The following ATG4C variants were observed in gnomAD, a reference collection of about 807,000 sequenced individuals.
ATG4C encodes cysteine protease ATG4C.
A neutral mutation model predicts 57.6 loss-of-function variants in ATG4C; 56 were observed. The observed-to-expected ratio is 0.97, with a 90% CI of 0.78 to 1.21. The LOEUF (loss-of-function observed/expected upper bound fraction) is 1.21, where lower values mean the gene tolerates loss of function less well. ATG4C is among the 50% of genes most tolerant of loss of function. The probability of loss-of-function intolerance (pLI) is 0.00; values close to 1 mark genes in which losing one functional copy is unlikely to be tolerated. For synonymous variants in ATG4C, 157 were observed against 174.1 expected (o/e 0.90, Z 0.78); for missense variants, 595 against 529.8 (o/e 1.12, Z -1.21).
intron 9 of ATG4C, among the ~76,000 whole-genome samples, chr1:62,839,840 A>G (rs569067656): frequency 1.3e-5 from 2 of 152,274 alleles, no homozygotes; most frequent in South Asian, 4.1e-4. Context: ...TTGAAAACTC[A>G]TATTTTGCCC....
At position 62,841,434 on chromosome 1, in the gene ATG4C, C is replaced by T. The variant is rs1666162223; in HGVS notation, c.1096C>T (p.His366Tyr). 1.2e-6 allele frequency: 2 copies of T among 1,604,006 alleles called. No homozygotes were observed. The highest frequency in any genetic ancestry group is 1.7e-5 in the Admixed American group (1 of 59,156). The change falls in exon 10 of 11, where the codon CAC (histidine) becomes TAC (tyrosine). Residue 366 changes from histidine (H) to tyrosine (Y), a missense_variant. Transcript: ENST00000317868. ...SIKDFPLETF[H>Y]CPSPKKMSFR... ...AGAACTTTAAAAATTACAGACATTC[C>T]ACTGCCCTTCTCCCAAAAAGATGTC...
intron 10 of ATG4C, among the ~76,000 whole-genome samples, chr1:62,850,881 TATATATATATATATATATATAC>T (rs1427366351): frequency 1.3e-5 from 1 of 77,438 alleles, no homozygotes; most frequent in Non-Finnish European, 2.6e-5. Flanking sequence ...TATATATATA[TATATATATATATATATATATAC>T]ATACACATAC....
At position 62,864,424 on chromosome 1, in the gene ATG4C, G is replaced by A. The variant is rs1371502419; in HGVS notation, c.*265G>A. 7 of 290,306 alleles carry A rather than the reference G, an allele frequency of 2.4e-5. No individual in the cohort carries two copies. The highest frequency in any genetic ancestry group is 3.6e-5 in the South Asian group (1 of 27,440). 18.0% of individuals were successfully genotyped at this position (290,306 alleles called of 1,614,324 possible). ...TACTAGTGATAATTCTACCTTAACT[G>A]TAAGCCTTTTAGTCTTCAAAGTCTT... On this transcript the variant is annotated 3_prime_UTR_variant, in exon 11 of 11. Coordinates refer to ENST00000317868, the MANE Select transcript of ATG4C (RefSeq NM_032852.4).
chr1:62,860,828 A>G (rs1446400287), intron 10 of ATG4C, among the ~76,000 whole-genome samples: 3 of 152,184 alleles, frequency 2.0e-5, no homozygotes, highest in Non-Finnish European at 2.9e-5. Flanking sequence ...ATAATTTTAC[A>G]TATATGGTGG....
intron 1 of ATG4C, among the ~76,000 whole-genome samples, chr1:62,788,217 C>T (rs949151666): frequency 2.6e-5 from 4 of 152,100 alleles, no homozygotes; most frequent in African/African-American, 4.8e-5. Flanking sequence ...AGTAGTTAGG[C>T]TTTATGAAGT....
chr1:62,816,015 C>T (rs894979718), intron 3 of ATG4C, among the ~76,000 whole-genome samples: 8 of 151,990 alleles, frequency 5.3e-5, no homozygotes, highest in Non-Finnish European at 1.2e-4. Context: ...TCCCAAAGTG[C>T]TGGGGATTAT....
intron 3 of ATG4C, among the ~76,000 whole-genome samples, chr1:62,813,909 A>T (rs1665175467): frequency 6.6e-6 from 1 of 152,250 alleles, no homozygotes; most frequent in Non-Finnish European, 1.5e-5. Context: ...ATCTCACGCC[A>T]GTTAGAATGG....
At chr1:62,844,254 C>G (rs1666262779) in intron 10 of ATG4C, among the ~76,000 whole-genome samples, 1 of 152,162 alleles carries the variant, frequency 6.6e-6, no homozygotes, top group South Asian at 2.1e-4. Flanking sequence ...GAACCACTTG[C>G]ATAAGACAGG....
chr1:62,818,421 C>A (rs936623640), intron 4 of ATG4C, among the ~76,000 whole-genome samples: 1 of 152,036 alleles, frequency 6.6e-6, no homozygotes, highest in African/African-American at 2.4e-5. Flanking sequence ...GATAAGCAGT[C>A]TGATAATGAA....
intron 10 of ATG4C, among the ~76,000 whole-genome samples, chr1:62,861,977 CT>C (rs1572184222): frequency 6.6e-6 from 1 of 152,282 alleles, no homozygotes; most frequent in East Asian, 1.9e-4. Flanking sequence ...ACATTTTAAA[CT>C]TTTCAGAATC....
chr1:62,821,732 C>A (rs889504009), intron 6 of ATG4C, among the ~76,000 whole-genome samples: 1 of 151,830 alleles, frequency 6.6e-6, no homozygotes. Context: ...CAAGTGTTTC[C>A]GATTTTGTAT....
At chr1:62,801,076 GATATTA>G (rs1572101417) in intron 1 of ATG4C, among the ~76,000 whole-genome samples, 1 of 152,170 alleles carries the variant, frequency 6.6e-6, no homozygotes, top group African/African-American at 2.4e-5. Context: ...AGGAAGCTTT[GATATTA>G]ATATTAAATG....
In ATG4C at chr1:62,813,061, G is replaced by C. The variant is rs189876603; in HGVS notation, c.161-3514G>C. ...GCCATACTGCCCAAAGTAATTTATA[G>C]ATTCAATGCTATCCCCATCAAGCTA... On this transcript the variant is annotated intron_variant, in intron 3 of 10. Transcript: ENST00000317868. 1.6e-4 allele frequency among the ~76,000 whole-genome samples: 24 copies of C among 152,260 alleles called. No individual in the cohort carries two copies. The East Asian group carries it at 4.2e-3, about 27-fold the overall frequency.
At position 62,796,876 on chromosome 1, in the gene ATG4C, C is replaced by T. The variant is rs191507494; in HGVS notation, c.-68-6843C>T. Among the ~76,000 whole-genome samples the T allele has an allele frequency of 1.2e-3, 187 of 152,140 alleles. 1 individual carries two copies. The highest frequency in any genetic ancestry group is 4.0e-3 in the African/African-American group (167 of 41,514). Reference sequence around the variant, plus strand: ...TAATCCCAGCATTTTGGGAGGCCAACGTGGGCGAATCACCTGAGGTCAGGA... The same window carrying T: ...TAATCCCAGCATTTTGGGAGGCCAATGTGGGCGAATCACCTGAGGTCAGGA... On this transcript the variant is annotated intron_variant, in intron 1 of 10. Coordinates refer to ENST00000317868, the MANE Select transcript of ATG4C (RefSeq NM_032852.4).
At chr1:62,838,735 G>T (rs1372269155) in intron 9 of ATG4C, among the ~76,000 whole-genome samples, 1 of 150,170 alleles carries the variant, frequency 6.7e-6, no homozygotes, top group Non-Finnish European at 1.5e-5. Context: ...AGCAGAGATC[G>T]CACCACTGCA....
chr1:62,803,811 G>A lies in ATG4C; in HGVS notation c.25G>A (p.Val9Ile), dbSNP rs749658829. Residue 9 changes from valine (V) to isoleucine (I), a missense_variant, in exon 2 of 11, where the codon GTT (valine) becomes ATT (isoleucine). Coordinates refer to ENST00000317868, the MANE Select transcript of ATG4C (RefSeq NM_032852.4). MEATGTDE[V>I]DKLKTKFISA... ...TATGGAGGCTACAGGAACAGATGAA[G>A]TTGACAAGCTAAAAACCAAATTTAT... The A allele has an allele frequency of 4.4e-6, 7 of 1,606,826 alleles. No individual in the cohort carries two copies. The South Asian group carries it at 5.5e-5, about 13-fold the overall frequency.
intron 1 of ATG4C, among the ~76,000 whole-genome samples, chr1:62,790,171 C>T (rs1664229536): frequency 6.6e-6 from 1 of 152,206 alleles, no homozygotes; most frequent in Non-Finnish European, 1.5e-5. Context: ...GCCTCGGCCT[C>T]CCAAAGTGCT....
intron 10 of ATG4C, among the ~76,000 whole-genome samples, chr1:62,853,646 A>G (rs776793406): frequency 2.0e-5 from 3 of 152,070 alleles, no homozygotes; most frequent in Non-Finnish European, 4.4e-5. Context: ...GGGTTTCACT[A>G]TGTTGCCCTG....
chr1:62,812,887 TA>T (rs1338116559), intron 3 of ATG4C, among the ~76,000 whole-genome samples: 1 of 152,076 alleles, frequency 6.6e-6, no homozygotes, highest in Non-Finnish European at 1.5e-5. Context: ...ACGAAGAGAA[TA>T]AAATACTTAG....
Sources: gnomAD v4.1 joint callset for allele counts (sites outside exome capture counted in the v4.1 genomes callset) on GRCh38, gnomAD v4.1.1 for gene constraint, MANE v1.5 for transcripts, NCBI Gene and HGNC (gene_info 2026-07-23, HGNC 2026-07-21) for gene names.